Variants in ULK4 observed in about 807,000 individuals in gnomAD.
ULK4 encodes inactive serine/threonine-protein kinase ULK4.
ULK4 carries 133 observed loss-of-function variants against 160.6 expected under a neutral mutation model. The ratio of observed to expected loss-of-function variants is 0.83; its 90% CI spans 0.72 to 0.96. ULK4 has a LOEUF of 0.96. ULK4 is among the 40% of genes least tolerant of loss of function. ULK4 has a pLI of 0.00. For missense variants in ULK4, 1,580 were observed against 1,499.5 expected (o/e 1.05, Z -0.89); for synonymous variants, 534 against 539.8 (o/e 0.99, Z 0.15).
At chr3:41,446,887 GAAATAAAAATAAAATA>G (rs1409669204) in intron 34 of ULK4, among the ~76,000 whole-genome samples, 4 of 150,070 alleles carry the variant, frequency 2.7e-5, no homozygotes, top group Non-Finnish European at 3.0e-5. Context: ...TAAAAGAATA[GAAATAAAAATAAAATA>G]AAATAAAAAT....
At chr3:41,772,046 A>T (rs1035440044) in intron 21 of ULK4, among the ~76,000 whole-genome samples, 5 of 152,212 alleles carry the variant, frequency 3.3e-5, no homozygotes, top group Non-Finnish European at 4.4e-5. Flanking sequence ...TCTTTATACC[A>T]GAATCTCTGG....
At chr3:41,918,595 CTTTTTTTTT>C (rs36064862) in intron 6 of ULK4, 55 bp from the exon 7 acceptor site, 19 of 226,738 alleles carry the variant, frequency 8.4e-5, no homozygotes, top group East Asian at 6.3e-4. Context: ...ACCAATAATT[CTTTTTTTTT>C]TTTTTTTTTT....
intron 34 of ULK4, among the ~76,000 whole-genome samples, chr3:41,407,448 C>A (rs989407286): frequency 2.0e-5 from 3 of 152,074 alleles, no homozygotes; most frequent in African/African-American, 7.2e-5. Flanking sequence ...GGCCAATAGC[C>A]CTTAAGAATA....
chr3:41,482,648 G>A (rs2084369150), intron 32 of ULK4, among the ~76,000 whole-genome samples: 1 of 152,182 alleles, frequency 6.6e-6, no homozygotes, highest in Admixed American at 6.5e-5. Flanking sequence ...TAGATTAGCA[G>A]TCTCCAGTTG....
At chr3:41,714,862 A>T (rs2037213392) in intron 25 of ULK4, among the ~76,000 whole-genome samples, 1 of 151,724 alleles carries the variant, frequency 6.6e-6, no homozygotes, top group Non-Finnish European at 1.5e-5. Context: ...TAAAAAAAAA[A>T]AAGAAACTGC....
At chr3:41,377,244 C>T (rs188755082) in intron 35 of ULK4, among the ~76,000 whole-genome samples, 1 of 152,100 alleles carries the variant, frequency 6.6e-6, no homozygotes, top group African/African-American at 2.4e-5. Flanking sequence ...TAAAGACTTA[C>T]ACGTTAGATC....
chr3:41,485,412 G>A (rs2084489744), intron 32 of ULK4, among the ~76,000 whole-genome samples: 1 of 152,154 alleles, frequency 6.6e-6, no homozygotes, highest in African/African-American at 2.4e-5. Flanking sequence ...CCCAACTACA[G>A]AAATATAGAA....
At chr3:41,898,199 C>T (rs1463037148) in intron 14 of ULK4, among the ~76,000 whole-genome samples, 2 of 152,194 alleles carry the variant, frequency 1.3e-5, no homozygotes, top group African/African-American at 2.4e-5. Flanking sequence ...TCTACAGGAA[C>T]CTCCCCACCC....
chr3:41,547,593 G>A (rs2086908046), intron 32 of ULK4, among the ~76,000 whole-genome samples: 1 of 152,128 alleles, frequency 6.6e-6, no homozygotes, highest in African/African-American at 2.4e-5. Context: ...CCAGGCAATG[G>A]CACCGCTCCA....
chr3:41,754,943 C>T (rs1157436543), intron 21 of ULK4, among the ~76,000 whole-genome samples: 1 of 152,088 alleles, frequency 6.6e-6, no homozygotes, highest in Admixed American at 6.5e-5. Flanking sequence ...GAGGGCTTAA[C>T]AGATATAAAG....
intron 22 of ULK4, 84 bp downstream of exon 22, chr3:41,754,277 C>A (rs2038721003): frequency 2.1e-6 from 3 of 1,429,932 alleles, no homozygotes; most frequent in Non-Finnish European, 1.9e-6. Context: ...ACCAGATACA[C>A]AGAGGCCAAG....
At chr3:41,466,170 T>C (rs1242189185) in intron 32 of ULK4, among the ~76,000 whole-genome samples, 1 of 152,192 alleles carries the variant, frequency 6.6e-6, no homozygotes, top group Non-Finnish European at 1.5e-5. Context: ...GTTCATATTA[T>C]AGAATTCCTG....
chr3:41,394,115 C>T (rs150583155), intron 35 of ULK4, among the ~76,000 whole-genome samples: 11 of 152,236 alleles, frequency 7.2e-5, no homozygotes, highest in African/African-American at 1.4e-4. Flanking sequence ...AACTTTTACA[C>T]GTCAGACACC....
Position 41,394,906 on chromosome 3 carries a change from T to G in ULK4, c.3678+3173A>C, listed in dbSNP as rs1272579564. Among the ~76,000 whole-genome samples, 11 of 152,076 alleles carry G rather than the reference T, an allele frequency of 7.2e-5. No individual in the cohort carries two copies. The East Asian group carries it at 2.1e-3, about 29-fold the overall frequency. ...GGCCTGTAAACATTATGGGCATTCT[T>G]GAACAACTAAAGAAGAGACATCAAA... is the stretch of plus-strand genomic sequence containing the variant. On this transcript the variant is annotated intron_variant, in intron 35 of 36. Coordinates refer to ENST00000301831, the MANE Select transcript of ULK4 (RefSeq NM_017886.4).
chr3:41,705,243 G>T lies in ULK4; in HGVS notation c.2686+11C>A. On this transcript the variant is annotated intron_variant, in intron 26 of 36. Transcript: ENST00000301831. Reference sequence around the variant, plus strand: ...CAAACAAAGACACAAAATGTTCCAGGGTCTACTCACCTATGGCTCCATCTA... The same window carrying T: ...CAAACAAAGACACAAAATGTTCCAGTGTCTACTCACCTATGGCTCCATCTA... 1.2e-6 allele frequency: 2 copies of T among 1,612,716 alleles called. No individual in the cohort carries two copies. The highest frequency in any genetic ancestry group is 1.3e-5 in the African/African-American group (1 of 74,838).
At chr3:41,961,989 G>C (rs1700693257) in intron 1 of ULK4, 27 bp downstream of exon 1, 1 of 152,340 alleles carries the variant, frequency 6.6e-6, no homozygotes, top group African/African-American at 2.4e-5. Flanking sequence ...CAGACTCGTA[G>C]CTACTAAAAC....
intron 32 of ULK4, among the ~76,000 whole-genome samples, chr3:41,487,721 T>C (rs751270570): frequency 4.6e-5 from 7 of 152,006 alleles, no homozygotes; most frequent in Non-Finnish European, 7.4e-5. Context: ...ATAAAAACAA[T>C]CTCTCAAGTG....
intron 30 of ULK4, among the ~76,000 whole-genome samples, chr3:41,633,400 A>G (rs563416225): frequency 6.6e-6 from 1 of 152,276 alleles, no homozygotes; most frequent in Non-Finnish European, 1.5e-5. Flanking sequence ...TCATTTACAT[A>G]CTGTCTGCGT....
chr3:41,517,490 C>A (rs71331190), intron 32 of ULK4, among the ~76,000 whole-genome samples: 1 of 152,086 alleles, frequency 6.6e-6, no homozygotes, highest in Non-Finnish European at 1.5e-5. Flanking sequence ...GAGAGCAGCC[C>A]TCACCAGATA....
Sources: gnomAD v4.1 joint callset for allele counts (sites outside exome capture counted in the v4.1 genomes callset) on GRCh38, gnomAD v4.1.1 for gene constraint, MANE v1.5 for transcripts, NCBI Gene and HGNC (gene_info 2026-07-23, HGNC 2026-07-21) for gene names.